Variants in RNMT observed in about 807,000 individuals in gnomAD.
RNMT encodes RNA guanine-7 methyltransferase.
Under a neutral mutation model 56.0 loss-of-function variants are expected in RNMT, and 27 were observed. The ratio of observed to expected loss-of-function variants is 0.48; its 90% CI spans 0.36 to 0.67. RNMT has a LOEUF of 0.67. RNMT is among the 30% of genes least tolerant of loss of function. RNMT has a pLI of 0.00. For missense variants in RNMT, 519 were observed against 552.1 expected (o/e 0.94, Z 0.60); for synonymous variants, 184 against 176.2 (o/e 1.04, Z -0.35).
intron 1 of RNMT, among the ~76,000 whole-genome samples, chr18:13,727,919 A>G (rs1260603609): frequency 6.6e-6 from 1 of 152,260 alleles, no homozygotes; most frequent in African/African-American, 2.4e-5. Flanking sequence ...TGCAAATGAC[A>G]GGATTTCATT....
At chr18:13,755,173 T>C (rs1050989308) in intron 11 of RNMT, among the ~76,000 whole-genome samples, 2 of 152,204 alleles carry the variant, frequency 1.3e-5, no homozygotes, top group Non-Finnish European at 2.9e-5. Context: ...CTCTACCTTC[T>C]AGAAGTCTAC....
intron 9 of RNMT, among the ~76,000 whole-genome samples, chr18:13,751,499 A>G (rs1312191818): frequency 6.6e-6 from 1 of 152,212 alleles, no homozygotes; most frequent in Admixed American, 6.5e-5. Flanking sequence ...AGAAATAGGA[A>G]CGCTTTTACA....
At chr18:13,737,642 A>G (rs999383601) in intron 5 of RNMT, among the ~76,000 whole-genome samples, 4 of 152,182 alleles carry the variant, frequency 2.6e-5, no homozygotes, top group South Asian at 4.1e-4. Flanking sequence ...GAAGCTATCA[A>G]AGATGGTCGG....
At chr18:13,749,228 T>C (rs1261397681) in intron 9 of RNMT, among the ~76,000 whole-genome samples, 1 of 152,190 alleles carries the variant, frequency 6.6e-6, no homozygotes, top group Admixed American at 6.5e-5. Flanking sequence ...GAAGAACAAG[T>C]TTACAACAAA....
chr18:13,747,546 C>T (rs913152987), intron 9 of RNMT, among the ~76,000 whole-genome samples: 2 of 152,108 alleles, frequency 1.3e-5, no homozygotes, highest in African/African-American at 4.8e-5. Context: ...TAGTGGGCAG[C>T]CTGAGGCTCA....
chr18:13,749,286 G>A (rs2044401503), intron 9 of RNMT, among the ~76,000 whole-genome samples: 2 of 152,154 alleles, frequency 1.3e-5, no homozygotes. Context: ...TTTGTGATAT[G>A]GTAAAACTAC....
chr18:13,734,421 A>G (rs749476294), intron 3 of RNMT, 43 bp from the exon 4 acceptor site: 36 of 1,558,908 alleles, frequency 2.3e-5, no homozygotes, highest in South Asian at 1.1e-4. Context: ...TATTTTTACC[A>G]TGTTCTGATC....
intron 9 of RNMT, among the ~76,000 whole-genome samples, chr18:13,747,831 A>G (rs561136489): frequency 3.9e-5 from 6 of 152,152 alleles, no homozygotes; most frequent in Non-Finnish European, 8.8e-5. Flanking sequence ...TGTTTGTCTT[A>G]AGGAAGAGGA....
At chr18:13,732,839 G>A (rs1014754697) in intron 3 of RNMT, among the ~76,000 whole-genome samples, 2 of 135,520 alleles carry the variant, frequency 1.5e-5, no homozygotes, top group Non-Finnish European at 3.1e-5. Context: ...TCCACCTCCC[G>A]GGACCTCCAC....
At chr18:13,745,728 T>TTAG in intron 8 of RNMT, among the ~76,000 whole-genome samples, 1 of 151,298 alleles carries the variant, frequency 6.6e-6, no homozygotes, top group South Asian at 2.1e-4. Context: ...ACCTTGAAGT[T>TTAG]TAGAAGTTGG....
intron 1 of RNMT, among the ~76,000 whole-genome samples, chr18:13,728,132 A>G (rs2043995177): frequency 6.6e-6 from 1 of 152,102 alleles, no homozygotes; most frequent in African/African-American, 2.4e-5. Flanking sequence ...ATTAACAACC[A>G]GAATATAGAA....
chr18:13,737,494 G>A (rs1048475881), intron 5 of RNMT, among the ~76,000 whole-genome samples: 3 of 151,858 alleles, frequency 2.0e-5, no homozygotes, highest in Non-Finnish European at 4.4e-5. Flanking sequence ...AGTAAGACAA[G>A]ATCGCACCAC....
intron 5 of RNMT, among the ~76,000 whole-genome samples, chr18:13,738,010 T>G (rs1431224862): frequency 1.3e-5 from 2 of 151,908 alleles, no homozygotes; most frequent in Non-Finnish European, 2.9e-5. Flanking sequence ...AATGAATCAA[T>G]CAATCAATCA....
chr18:13,730,244 C>A (rs2044043595), intron 1 of RNMT, among the ~76,000 whole-genome samples: 1 of 152,194 alleles, frequency 6.6e-6, no homozygotes, highest in Non-Finnish European at 1.5e-5. Flanking sequence ...TCAGTTATTT[C>A]TCTCGCTTTC....
At chr18:13,747,955 C>T (rs1012734593) in intron 9 of RNMT, among the ~76,000 whole-genome samples, 1 of 152,126 alleles carries the variant, frequency 6.6e-6, no homozygotes, top group African/African-American at 2.4e-5. Flanking sequence ...AATTATTTAG[C>T]CTTTCTCTTA....
rs1014554900 is a variant in RNMT at position 13,761,612 on chromosome 18, G to A, written c.*1633G>A. 1.0e-6 allele frequency: 1 copy of A among 998,470 alleles called. No individual in the cohort carries two copies. Among genetic ancestry groups the A allele is most frequent in the Non-Finnish European group, 1.2e-6 (1 of 837,570 alleles). 61.9% of individuals were successfully genotyped at this position (998,470 alleles called of 1,614,324 possible). On this transcript the variant is annotated 3_prime_UTR_variant, in exon 12 of 12. Coordinates refer to ENST00000383314, the MANE Select transcript of RNMT (RefSeq NM_003799.3). ...CCTCCAAACGATGGAGTAGCCAGTGGTAATACAAAGCAGGGAGAACAGAAA... is the reference window on the plus strand; with the variant it reads ...CCTCCAAACGATGGAGTAGCCAGTGATAATACAAAGCAGGGAGAACAGAAA...
rs1261750247 is a variant in RNMT, at chr18:13,760,929, G to A, written c.*950G>A. 1 of 985,284 alleles carries A rather than the reference G, an allele frequency of 1.0e-6. No homozygotes were observed. The highest frequency in any genetic ancestry group is 1.2e-6 in the Non-Finnish European group (1 of 829,922). The allele number at this position is 985,284 out of a possible 1,614,324, so 61.0% of individuals were successfully genotyped here. On this transcript the variant is annotated 3_prime_UTR_variant, in exon 12 of 12. Coordinates refer to ENST00000383314, the MANE Select transcript of RNMT (RefSeq NM_003799.3). ...TGTTAAAGTTGTCACTTGTGTAACT[G>A]ACTGCTTTTCCAAAACTGGTACTTA...
intron 11 of RNMT, among the ~76,000 whole-genome samples, chr18:13,754,576 C>T (rs891784913): frequency 6.6e-6 from 1 of 152,208 alleles, no homozygotes. Flanking sequence ...CACACAAATA[C>T]GTATATCTCT....
intron 11 of RNMT, 99 bp from the exon 12 acceptor site, chr18:13,759,843 T>C: frequency 9.8e-7 from 1 of 1,015,660 alleles, no homozygotes. Context: ...CAGAAGCTGC[T>C]TGAGAGCCTA....
Sources: allele counts gnomAD v4.1 joint callset (sites outside exome capture counted in the v4.1 genomes callset), GRCh38; gene constraint gnomAD v4.1.1; transcripts MANE v1.5; gene names NCBI Gene and HGNC (gene_info 2026-07-23, HGNC 2026-07-21).